EIF2A: variants seen among roughly 807,000 people sequenced by gnomAD.
EIF2A encodes 65 kDa eukaryotic translation initiation factor 2A.
In EIF2A, 62 loss-of-function variants were observed where a neutral mutation model predicts 75.2. That is an observed-to-expected ratio of 0.82 (90% CI 0.67 to 1.02). The LOEUF is 1.02. EIF2A is among the 50% of genes least tolerant of loss of function. The pLI is 0.00. For missense variants in EIF2A, 611 were observed against 677.7 expected (o/e 0.90, Z 1.09); for synonymous variants, 207 against 239.0 (o/e 0.87, Z 1.23).
intron 11 of EIF2A, among the ~76,000 whole-genome samples, chr3:150,581,118 A>T (rs116074130): frequency 0.051 from 7,707 of 152,276 alleles, 254 homozygotes; most frequent in Non-Finnish European, 0.069. Flanking sequence ...AGGTCTGATC[A>T]TATTGGAAGC....
chr3:150,572,555 A>G lies in EIF2A; in HGVS notation c.1383+26A>G, dbSNP rs775308603. On this transcript the variant is annotated intron_variant, in intron 10 of 13. Transcript: ENST00000460851. ...GTAAGTAAAGTTTTACTACTTTTAT[A>G]GAAAAAAGTTTATTTTGGGCCAGGA... 1.2e-5 allele frequency: 19 copies of G among 1,572,454 alleles called. No individual in the cohort carries two copies. The South Asian group carries it at 2.3e-4, about 19-fold the overall frequency.
intron 9 of EIF2A, among the ~76,000 whole-genome samples, chr3:150,571,352 C>T (rs1309840033): frequency 6.6e-6 from 1 of 152,094 alleles, no homozygotes; most frequent in Non-Finnish European, 1.5e-5. Flanking sequence ...GTTGGCCAGG[C>T]TGGTCTCAAA....
intron 11 of EIF2A, among the ~76,000 whole-genome samples, chr3:150,578,347 A>G (rs1332626261): frequency 2.7e-5 from 4 of 148,650 alleles, no homozygotes; most frequent in Admixed American, 1.3e-4. Flanking sequence ...AATTATATAA[A>G]TAATATACAA....
chr3:150,552,124 T>A (rs1018547848), intron 1 of EIF2A, among the ~76,000 whole-genome samples: 1 of 152,202 alleles, frequency 6.6e-6, no homozygotes, highest in Non-Finnish European at 1.5e-5. Context: ...CTTTCAGTGG[T>A]GACAAAGTTT....
intron 9 of EIF2A, among the ~76,000 whole-genome samples, 164 bp downstream of exon 9, chr3:150,568,456 T>C (rs1724315325): frequency 6.6e-6 from 1 of 152,230 alleles, no homozygotes; most frequent in African/African-American, 2.4e-5. Context: ...AAAATCATCC[T>C]CCAACATACC....
At chr3:150,578,819 G>A (rs1725020581) in intron 11 of EIF2A, among the ~76,000 whole-genome samples, 1 of 152,292 alleles carries the variant, frequency 6.6e-6, no homozygotes, top group Middle Eastern at 3.4e-3. Flanking sequence ...ACCTTATCCA[G>A]ACCTTCTTAG....
chr3:150,580,981 G>A (rs1018286263), intron 11 of EIF2A, among the ~76,000 whole-genome samples: 1 of 152,182 alleles, frequency 6.6e-6, no homozygotes, highest in African/African-American at 2.4e-5. Context: ...TGCAGTTGAC[G>A]CTTGGTTACT....
intron 10 of EIF2A, among the ~76,000 whole-genome samples, 183 bp downstream of exon 10, chr3:150,572,712 T>C (rs575846733): frequency 6.6e-6 from 1 of 152,166 alleles, no homozygotes; most frequent in South Asian, 2.1e-4. Flanking sequence ...AAAAATTAGC[T>C]GGGCATGGTG....
Position 150,558,386 on chromosome 3 carries a change from A to T in EIF2A, c.99-2A>T. 1 of 1,511,848 alleles carries T rather than the reference A, an allele frequency of 6.6e-7. No individual in the cohort carries two copies. The highest frequency in any genetic ancestry group is 2.7e-5 in the Admixed American group (1 of 37,700). The allele number at this position is 1,511,848 out of a possible 1,614,324, so 93.7% of individuals were successfully genotyped here. On this transcript the variant is annotated splice_acceptor_variant, in intron 2 of 13. Transcript: ENST00000460851. LOFTEE classifies it high-confidence loss of function. ...TAAACCTTTTTTTTTTGTCATTTTC[A>T]GGGAATCTGGGAAGAATTGCAAAGT...
rs1008589633 is a variant in EIF2A, at chr3:150,564,385, T to C, written c.475+4T>C. On this transcript the variant is annotated splice_donor_region_variant and intron_variant, in intron 6 of 13. Coordinates refer to ENST00000460851, the MANE Select transcript of EIF2A (RefSeq NM_032025.5). ...TTCTTTGAAAACAACAATTTTAGTA[T>C]GGAAAGATTTATGACATAATTTTAT... is the stretch of plus-strand genomic sequence containing the variant. 13 of 1,579,590 alleles carry C rather than the reference T, an allele frequency of 8.2e-6. No individual in the cohort carries two copies. Among genetic ancestry groups the C allele is most frequent in the Non-Finnish European group, 1.1e-5 (13 of 1,165,030 alleles).
At chr3:150,569,813 CAA>C (rs1221874443) in intron 9 of EIF2A, among the ~76,000 whole-genome samples, 7 of 122,780 alleles carry the variant, frequency 5.7e-5, no homozygotes, top group Admixed American at 8.3e-5. Context: ...GACTCTGTCA[CAA>C]AAAAAAAAAA....
intron 6 of EIF2A, among the ~76,000 whole-genome samples, chr3:150,565,511 A>G (rs1026699386): frequency 6.6e-6 from 1 of 152,186 alleles, no homozygotes; most frequent in Non-Finnish European, 1.5e-5. Context: ...TGCTCTTATC[A>G]GTTTTAATAT....
chr3:150,563,880 T>C (rs896999217), intron 5 of EIF2A, among the ~76,000 whole-genome samples: 5 of 152,168 alleles, frequency 3.3e-5, no homozygotes, highest in Non-Finnish European at 7.4e-5. Context: ...TGCAATGGCC[T>C]GATCTTGGCT....
chr3:150,583,477 A>G (rs764578704), intron 13 of EIF2A, among the ~76,000 whole-genome samples: 2 of 152,236 alleles, frequency 1.3e-5, no homozygotes, highest in Non-Finnish European at 2.9e-5. Flanking sequence ...GAAAAAGTCA[A>G]TATTCCTAAG....
chr3:150,550,956 C>A (rs981997787), intron 1 of EIF2A, among the ~76,000 whole-genome samples: 1 of 152,188 alleles, frequency 6.6e-6, no homozygotes, highest in Non-Finnish European at 1.5e-5. Flanking sequence ...CCACGCCTAG[C>A]CTGAGCCCTA....
intron 3 of EIF2A, among the ~76,000 whole-genome samples, chr3:150,561,098 C>A (rs558010865): frequency 6.6e-6 from 1 of 152,156 alleles, no homozygotes; most frequent in Non-Finnish European, 1.5e-5. Context: ...TTACTGATTT[C>A]CCTAGCTGCT....
intron 11 of EIF2A, among the ~76,000 whole-genome samples, chr3:150,578,082 G>A (rs1458911956): frequency 2.6e-5 from 4 of 152,132 alleles, no homozygotes; most frequent in Non-Finnish European, 5.9e-5. Flanking sequence ...CTCATTAGTA[G>A]TATCCTTAAC....
At chr3:150,566,604 T>C (rs968289827) in intron 6 of EIF2A, 1 of 152,208 alleles carries the variant, frequency 6.6e-6, no homozygotes, top group Admixed American at 6.5e-5. Context: ...ACAAGGTTTT[T>C]ATTTAACTTC....
intron 9 of EIF2A, among the ~76,000 whole-genome samples, chr3:150,568,896 GAAA>G (rs1724344669): frequency 1.3e-5 from 2 of 152,324 alleles, no homozygotes; most frequent in African/African-American, 4.8e-5. Flanking sequence ...CAGCCTGGGT[GAAA>G]GAGCGAGACC....
Sources: allele counts gnomAD v4.1 joint callset (sites outside exome capture counted in the v4.1 genomes callset), GRCh38; gene constraint gnomAD v4.1.1; transcripts MANE v1.5; gene names NCBI Gene and HGNC (gene_info 2026-07-23, HGNC 2026-07-21).